The following ZMAT4 variants were observed in gnomAD, a reference collection of about 807,000 sequenced individuals.
The protein encoded by ZMAT4 is zinc finger matrin-type 4.
In ZMAT4, 17 loss-of-function variants were observed where a neutral mutation model predicts 28.7. The observed-to-expected ratio is 0.59, with a 90% CI of 0.41 to 0.89. The LOEUF is 0.89. Ranked by LOEUF, ZMAT4 falls within the 40% of genes least tolerant of loss-of-function variation. ZMAT4 has a pLI of 0.00. For synonymous variants in ZMAT4, 117 were observed against 109.2 expected (o/e 1.07, Z -0.44); for missense variants, 240 against 283.8 (o/e 0.85, Z 1.11).
chr8:40,669,924 T>G (rs1808598670), intron 5 of ZMAT4, among the ~76,000 whole-genome samples: 1 of 152,136 alleles, frequency 6.6e-6, no homozygotes, highest in Admixed American at 6.5e-5. Flanking sequence ...AATAGAGAGA[T>G]AGAGGATGTT....
intron 3 of ZMAT4, among the ~76,000 whole-genome samples, chr8:40,735,081 C>A (rs1811705405): frequency 6.6e-6 from 1 of 152,118 alleles, no homozygotes; most frequent in Non-Finnish European, 1.5e-5. Context: ...GTTTGAATTG[C>A]CCACCAAATC....
At chr8:40,830,014 A>G (rs1816221499) in intron 1 of ZMAT4, among the ~76,000 whole-genome samples, 2 of 152,166 alleles carry the variant, frequency 1.3e-5, no homozygotes, top group Admixed American at 6.5e-5. Context: ...GAGAAGAGCC[A>G]GGTCCCGAAA....
intron 1 of ZMAT4, among the ~76,000 whole-genome samples, chr8:40,850,692 C>G (rs1348528274): frequency 1.3e-5 from 2 of 152,170 alleles, no homozygotes; most frequent in African/African-American, 4.8e-5. Context: ...TTCTCACACT[C>G]GTGCATTTAC....
intron 5 of ZMAT4, among the ~76,000 whole-genome samples, chr8:40,662,193 T>C (rs923638349): frequency 1.3e-5 from 2 of 151,962 alleles, no homozygotes; most frequent in African/African-American, 4.8e-5. Context: ...GTTGCCCAGG[T>C]TGCTCTCGAA....
intron 5 of ZMAT4, among the ~76,000 whole-genome samples, chr8:40,614,566 C>T (rs1480280966): frequency 1.3e-5 from 2 of 152,274 alleles, no homozygotes; most frequent in African/African-American, 4.8e-5. Flanking sequence ...GTCTAAGTCT[C>T]TTTGTAAGTC....
chr8:40,705,574 A>T (rs1388677549), intron 3 of ZMAT4, among the ~76,000 whole-genome samples: 1 of 152,220 alleles, frequency 6.6e-6, no homozygotes, highest in East Asian at 1.9e-4. Context: ...TGAAAAAATG[A>T]ACCACAAAAT....
At chr8:40,734,275 C>A (rs1229351093) in intron 3 of ZMAT4, among the ~76,000 whole-genome samples, 1 of 152,108 alleles carries the variant, frequency 6.6e-6, no homozygotes, top group African/African-American at 2.4e-5. Flanking sequence ...CCTGTAACAC[C>A]CCACTGCAAC....
intron 1 of ZMAT4, among the ~76,000 whole-genome samples, chr8:40,848,337 T>A (rs1816982045): frequency 6.6e-6 from 1 of 152,218 alleles, no homozygotes; most frequent in South Asian, 2.1e-4. Context: ...GTCCATCACA[T>A]CTGATTTTTA....
At chr8:40,874,547 C>T (rs1717983874) in intron 1 of ZMAT4, among the ~76,000 whole-genome samples, 1 of 152,226 alleles carries the variant, frequency 6.6e-6, no homozygotes, top group Non-Finnish European at 1.5e-5. Context: ...AGAGCAGTCC[C>T]TAAACTACAC....
intron 1 of ZMAT4, among the ~76,000 whole-genome samples, chr8:40,842,906 G>A (rs200416374): frequency 6.6e-6 from 1 of 152,176 alleles, no homozygotes; most frequent in Non-Finnish European, 1.5e-5. Flanking sequence ...CTCCGGAGTA[G>A]CTGGGATTAC....
At chr8:40,868,778 C>T (rs901159855) in intron 1 of ZMAT4, among the ~76,000 whole-genome samples, 2 of 152,208 alleles carry the variant, frequency 1.3e-5, no homozygotes, top group African/African-American at 4.8e-5. Flanking sequence ...CTGCCCGTGC[C>T]TCTCCACTGC....
intron 1 of ZMAT4, among the ~76,000 whole-genome samples, chr8:40,864,579 T>C (rs1186824846): frequency 6.6e-6 from 1 of 152,158 alleles, no homozygotes; most frequent in Non-Finnish European, 1.5e-5. Flanking sequence ...CTCACCCCAG[T>C]TGTGGCAGTG....
Position 40,886,615 on chromosome 8 carries a change from C to T in ZMAT4, c.-5+11068G>A, listed in dbSNP as rs567113728. 4.6e-5 allele frequency among the ~76,000 whole-genome samples: 7 copies of T among 152,334 alleles called. No individual in the cohort carries two copies. In the South Asian group the frequency reaches 8.3e-4, roughly 18 times the overall value. ...TCTTTCTTTCTGGTTTGTGTCTTAT[C>T]ACACCAAAAGTCTACCTCTAACTTT... On this transcript the variant is annotated intron_variant, in intron 1 of 6. Transcript: ENST00000297737.
In ZMAT4 at chr8:40,801,957, G is replaced by A. The variant is rs368464229; in HGVS notation, c.102+23618C>T. On this transcript the variant is annotated intron_variant, in intron 2 of 6. Coordinates refer to ENST00000297737, the MANE Select transcript of ZMAT4 (RefSeq NM_024645.3). Reference sequence around the variant, plus strand: ...AATTAATGTAATCCGTTGCATCAACGGGCTAAAGAGAAAAAAAAATCGCAT... The same window carrying A: ...AATTAATGTAATCCGTTGCATCAACAGGCTAAAGAGAAAAAAAAATCGCAT... Among the ~76,000 whole-genome samples, 43 of 151,954 alleles carry A rather than the reference G, an allele frequency of 2.8e-4. No individual in the cohort carries two copies. The South Asian group carries it at 7.1e-3, about 25-fold the overall frequency.
intron 5 of ZMAT4, among the ~76,000 whole-genome samples, chr8:40,616,340 G>C (rs186602505): frequency 3.0e-3 from 454 of 152,248 alleles, no homozygotes; most frequent in Non-Finnish European, 4.0e-3. Flanking sequence ...ATTCCTCAAG[G>C]ATCTAGAACT....
chr8:40,630,285 C>T (rs1215001854), intron 5 of ZMAT4, among the ~76,000 whole-genome samples: 1 of 152,122 alleles, frequency 6.6e-6, no homozygotes, highest in African/African-American at 2.4e-5. Flanking sequence ...ATAGACGTGT[C>T]CACAGTTAGA....
intron 2 of ZMAT4, among the ~76,000 whole-genome samples, chr8:40,773,226 T>C (rs1813455152): frequency 6.6e-6 from 1 of 152,134 alleles, no homozygotes; most frequent in African/African-American, 2.4e-5. Flanking sequence ...ACTAAAACTC[T>C]AGGAAGAGAA....
chr8:40,742,070 C>T (rs1010291179), intron 3 of ZMAT4, among the ~76,000 whole-genome samples: 1 of 133,970 alleles, frequency 7.5e-6, no homozygotes, highest in African/African-American at 2.8e-5. Flanking sequence ...AAAACTCTGT[C>T]TCTACTAAAA....
At chr8:40,867,360 C>G (rs1330672995) in intron 1 of ZMAT4, among the ~76,000 whole-genome samples, 3 of 152,198 alleles carry the variant, frequency 2.0e-5, no homozygotes, top group African/African-American at 7.2e-5. Flanking sequence ...GCAGGTTGGA[C>G]AAGCTTGCCG....
Sources: gnomAD v4.1 joint callset for allele counts (sites outside exome capture counted in the v4.1 genomes callset) on GRCh38, gnomAD v4.1.1 for gene constraint, MANE v1.5 for transcripts, NCBI Gene and HGNC (gene_info 2026-07-23, HGNC 2026-07-21) for gene names.